The following CSNK2A3 variants were observed in gnomAD, a reference collection of about 807,000 sequenced individuals.
CSNK2A3 encodes casein kinase 2 alpha 3.
A neutral mutation model predicts 36.5 loss-of-function variants in CSNK2A3; 31 were observed. That is an observed-to-expected ratio of 0.85 (90% CI 0.64 to 1.15). The LOEUF is 1.15. Among genes scored for constraint, CSNK2A3 ranks in the 50% most tolerant of loss-of-function variants. The pLI is 0.00. For synonymous variants in CSNK2A3, 152 were observed against 176.3 expected, an observed-to-expected ratio of 0.86 and a Z score of 1.09; for missense variants, 443 against 487.2, an observed-to-expected ratio of 0.91 and a Z score of 0.85.
Position 11,352,978 on chromosome 11 carries a change from C to T in CSNK2A3, c.142G>A (p.Gly48Ser), listed in dbSNP as rs915832896. The change falls in exon 1 of 1, where the codon GGT becomes AGT. Residue 48 changes from glycine (G) to serine (S), a missense_variant. Physicochemically the swap from Gly to Ser is moderately conservative, Grantham distance 56 (BLOSUM62 0). Transcript: ENST00000528848. ...DYQLVRKLGR[G>S]KYSEVFEAIN... ...GCTTCAAATACTTCACTGTATTTACCTCGGCCTAATTTTCGAACCAGCTGG... is the reference window on the plus strand; with the variant it reads ...GCTTCAAATACTTCACTGTATTTACTTCGGCCTAATTTTCGAACCAGCTGG... 5.0e-6 allele frequency: 8 copies of T among 1,613,968 alleles called. No homozygotes were observed. The highest frequency in any genetic ancestry group is 6.8e-6 in the Non-Finnish European group (8 of 1,180,034).
rs182860137 is a variant in CSNK2A3 at position 11,353,114 on chromosome 11, C to T, written c.6G>A (p.Ser2=). 6.8e-6 allele frequency: 11 copies of T among 1,614,088 alleles called. No homozygotes were observed. The highest frequency in any genetic ancestry group is 1.3e-5 in the African/African-American group (1 of 75,030). Residue 2 remains serine, a synonymous_variant, in exon 1 of 1, where the codon TCG becomes TCA. Transcript: ENST00000528848. ...CTCTGGCCCTGCTTGGCACGGGTCC[C>T]GACATGTCAGACAGGTTGGCGGACA... M[S]GPVPSRARVY... is the part of the protein sequence containing the mutation.
rs1589929942 is a variant in CSNK2A3 at position 11,352,639 on chromosome 11, T to C, written c.481A>G (p.Asn161Asp). The stretch of plus-strand genomic sequence containing the variant: ...CTGTGCTCATGATCAATCATGACAT[T>C]ATGGGGCTTGACATCTCTGTGCATA... ...GIMHRDVKPH[N>D]VMIDHEHRKL... The change falls in exon 1 of 1, where the codon AAT (asparagine) becomes GAT (aspartate). Residue 161 changes from asparagine (N) to aspartate (D), a missense_variant. Coordinates refer to ENST00000528848, the MANE Select transcript of CSNK2A3 (RefSeq NM_001256686.2). 14 of 1,614,186 alleles carry C rather than the reference T, an allele frequency of 8.7e-6. No individual in the cohort carries two copies. In the East Asian group the frequency reaches 3.1e-4, roughly 36 times the overall value.
rs1850435489 is a variant in CSNK2A3 at position 11,352,580 on chromosome 11, C to T, written c.540G>A (p.Glu180=). 7 of 1,614,170 alleles carry T rather than the reference C, an allele frequency of 4.3e-6. No individual in the cohort carries two copies. The highest frequency in any genetic ancestry group is 4.2e-6 in the Non-Finnish European group (5 of 1,180,032). The change falls in exon 1 of 1, where the codon GAG becomes GAA. Residue 180 remains glutamate (E), a synonymous_variant. Coordinates refer to ENST00000528848, the MANE Select transcript of CSNK2A3 (RefSeq NM_001256686.2). ...TATATTCTTGGCCAGGATGATAAAA[C>T]TCAGCCAAACCCCAGTCTATTAGTC... The part of the protein sequence containing the change: ...KLRLIDWGLA[E]FYHPGQEYNV...
At position 11,351,977 on chromosome 11, in the gene CSNK2A3, C is replaced by T; in HGVS notation, c.1143G>A (p.Met381Ile). ...GAGCGCCAGTGGCAGCTGGAACAGG[C>T]ATCCCAAGGGGGTTGGCAGCAGCAA... ...PVIAAANPLG[M>I]PVPAATGAQQ is the part of the protein sequence containing the mutation. The change falls in exon 1 of 1, where the codon ATG becomes ATA. Residue 381 changes from methionine to isoleucine, a missense_variant. Coordinates refer to ENST00000528848, the MANE Select transcript of CSNK2A3 (RefSeq NM_001256686.2). 2 of 1,609,028 alleles carry T rather than the reference C, an allele frequency of 1.2e-6. No homozygotes were observed. The highest frequency in any genetic ancestry group is 2.2e-5 in the East Asian group (1 of 44,614).
Position 11,352,301 on chromosome 11 carries a change from C to G in CSNK2A3, c.819G>C (p.Leu273Phe). ...IELDPRFNDI[L>F]GRHSRKRWER... ...CCCATCGCTTTCGAGAGTGTCTGCCCAAGATATCATTGAAACGTGGATCTA... is the reference window on the plus strand; with the variant it reads ...CCCATCGCTTTCGAGAGTGTCTGCCGAAGATATCATTGAAACGTGGATCTA... Residue 273 changes from leucine (L) to phenylalanine (F), a missense_variant, in exon 1 of 1, where the codon TTG (leucine) becomes TTC (phenylalanine). Coordinates refer to ENST00000528848, the MANE Select transcript of CSNK2A3 (RefSeq NM_001256686.2). 6.2e-7 allele frequency: 1 copy of G among 1,614,046 alleles called. No homozygotes were observed. The highest frequency in any genetic ancestry group is 2.2e-5 in the East Asian group (1 of 44,878).
chr11:11,352,321 G>C lies in CSNK2A3; in HGVS notation c.799C>G (p.Pro267Ala), dbSNP rs748208083. The C allele has an allele frequency of 5.0e-6, 8 of 1,614,050 alleles. No individual in the cohort carries two copies. Among genetic ancestry groups the C allele is most frequent in the Non-Finnish European group, 6.8e-6 (8 of 1,180,012 alleles). Residue 267 changes from proline to alanine, a missense_variant, in exon 1 of 1, where the codon CCA (proline) becomes GCA (alanine). By Grantham distance (27) the Pro-to-Ala change is conservative (BLOSUM62 -1). Transcript: ENST00000528848. ...CTGCCCAAGATATCATTGAAACGTG[G>C]ATCTAATTCAATGTTGTATTTGTCA... ...YIDKYNIELD[P>A]RFNDILGRHS...
chr11:11,353,243 G>A lies in CSNK2A3; in HGVS notation c.-124C>T, dbSNP rs920485579. 21 of 1,237,404 alleles carry A rather than the reference G, an allele frequency of 1.7e-5. No individual in the cohort carries two copies. The Admixed American group carries it at 2.3e-4, about 14-fold the overall frequency. 76.7% of individuals were successfully genotyped at this position (1,237,404 alleles called of 1,614,324 possible). On this transcript the variant is annotated 5_prime_UTR_variant, in exon 1 of 1. Transcript: ENST00000528848. ...GTTTTCTTCACACTGTGGTGGAAGCGGCAGCGGCTGTGGCCGCTCTCCCTT... is the reference window on the plus strand; with the variant it reads ...GTTTTCTTCACACTGTGGTGGAAGCAGCAGCGGCTGTGGCCGCTCTCCCTT...
In CSNK2A3 at chr11:11,353,099, G is replaced by A; in HGVS notation, c.21C>T (p.Ser7=). The A allele has an allele frequency of 6.2e-7, 1 of 1,614,136 alleles. No homozygotes were observed. Among genetic ancestry groups the A allele is most frequent in the Non-Finnish European group, 8.5e-7 (1 of 1,180,026 alleles). Residue 7 remains serine, a synonymous_variant, in exon 1 of 1, where the codon AGC becomes AGT. Transcript: ENST00000528848. MSGPVP[S]RARVYTDVNT... is the part of the protein sequence containing the mutation. ...TAACATCTGTGTAAACTCTGGCCCT[G>A]CTTGGCACGGGTCCCGACATGTCAG...
In CSNK2A3 at chr11:11,352,503, T is replaced by G. The variant is rs376310249; in HGVS notation, c.617A>C (p.Tyr206Ser). Residue 206 changes from tyrosine to serine, a missense_variant, in exon 1 of 1, where the codon TAT (tyrosine) becomes TCT (serine). Coordinates refer to ENST00000528848, the MANE Select transcript of CSNK2A3 (RefSeq NM_001256686.2). ...ATCCAAACTATAATCGTACATCTGA[T>G]AGTCTACAAGTAGCTCAGGACCTTT... ...YFKGPELLVD[Y>S]QMYDYSLDMW... is the part of the protein sequence containing the mutation. 6.2e-7 allele frequency: 1 copy of G among 1,614,166 alleles called. No individual in the cohort carries two copies.
In CSNK2A3 at chr11:11,352,653, T is replaced by C. The variant is rs1195300190; in HGVS notation, c.467A>G (p.Asp156Gly). The change falls in exon 1 of 1, where the codon GAT becomes GGT. Residue 156 changes from aspartate (D) to glycine (G), a missense_variant. Physicochemically the swap from Asp to Gly is moderately conservative, Grantham distance 94. Coordinates refer to ENST00000528848, the MANE Select transcript of CSNK2A3 (RefSeq NM_001256686.2). Reference sequence around the variant, plus strand: ...AATCATGACATTATGGGGCTTGACATCTCTGTGCATAATTCCCATGCTGTG... The same window carrying C: ...AATCATGACATTATGGGGCTTGACACCTCTGTGCATAATTCCCATGCTGTG... ...YCHSMGIMHR[D>G]VKPHNVMIDH... The C allele has an allele frequency of 8.1e-6, 13 of 1,614,184 alleles. No homozygotes were observed. Among genetic ancestry groups the C allele is most frequent in the Non-Finnish European group, 1.0e-5 (12 of 1,180,026 alleles).
rs1420192183 is a variant in CSNK2A3 at position 11,352,509 on chromosome 11, A to T, written c.611T>A (p.Val204Glu). ...ACTATAATCGTACATCTGATAGTCT[A>T]CAAGTAGCTCAGGACCTTTGAAGTA... ...SRYFKGPELL[V>E]DYQMYDYSLD... The change falls in exon 1 of 1, where the codon GTA becomes GAA. Residue 204 changes from valine to glutamate, a missense_variant. Transcript: ENST00000528848. 7 of 1,614,190 alleles carry T rather than the reference A, an allele frequency of 4.3e-6. No individual in the cohort carries two copies. The highest frequency in any genetic ancestry group is 5.9e-6 in the Non-Finnish European group (7 of 1,180,028).
At position 11,352,605 on chromosome 11, in the gene CSNK2A3, C is replaced by T. The variant is rs1053426341; in HGVS notation, c.515G>A (p.Arg172Gln). The change falls in exon 1 of 1, where the codon CGA (arginine) becomes CAA (glutamine). Residue 172 changes from arginine (R) to glutamine (Q), a missense_variant. Arg to Gln is a conservative substitution (Grantham distance 43, BLOSUM62 1). Coordinates refer to ENST00000528848, the MANE Select transcript of CSNK2A3 (RefSeq NM_001256686.2). ...CTCAGCCAAACCCCAGTCTATTAGTCGTAGCTTTCTGTGCTCATGATCAAT... is the reference window on the plus strand; with the variant it reads ...CTCAGCCAAACCCCAGTCTATTAGTTGTAGCTTTCTGTGCTCATGATCAAT... ...VMIDHEHRKL[R>Q]LIDWGLAEFY... is the part of the protein sequence containing the mutation. The T allele has an allele frequency of 1.7e-5, 28 of 1,614,130 alleles. No homozygotes were observed. Among genetic ancestry groups the T allele is most frequent in the Middle Eastern group, 1.6e-4 (1 of 6,062 alleles).
At position 11,352,625 on chromosome 11, in the gene CSNK2A3, A is replaced by T. The variant is rs771825599; in HGVS notation, c.495T>A (p.Asp165Glu). 2.5e-6 allele frequency: 4 copies of T among 1,614,166 alleles called. No individual in the cohort carries two copies. Among genetic ancestry groups the T allele is most frequent in the Non-Finnish European group, 2.5e-6 (3 of 1,180,032 alleles). The change falls in exon 1 of 1, where the codon GAT becomes GAA. Residue 165 changes from aspartate to glutamate, a missense_variant. Transcript: ENST00000528848. ...RDVKPHNVMI[D>E]HEHRKLRLID... ...TTAGTCGTAGCTTTCTGTGCTCATGATCAATCATGACATTATGGGGCTTGA... is the reference window on the plus strand; with the variant it reads ...TTAGTCGTAGCTTTCTGTGCTCATGTTCAATCATGACATTATGGGGCTTGA...
Position 11,352,686 on chromosome 11 carries a change from T to C in CSNK2A3, c.434A>G (p.Asp145Gly), listed in dbSNP as rs780005479. ...CATAATTCCCATGCTGTGACAATAA[T>C]CCAGGGCCTTCAGAATCTCATACAT... ...FYMYEILKAL[D>G]YCHSMGIMHR... Residue 145 changes from aspartate (D) to glycine (G), a missense_variant, in exon 1 of 1, where the codon GAT becomes GGT. Physicochemically the swap from Asp to Gly is moderately conservative, Grantham distance 94. Transcript: ENST00000528848. The C allele has an allele frequency of 6.2e-7, 1 of 1,614,024 alleles. No homozygotes were observed. The highest frequency in any genetic ancestry group is 8.5e-7 in the Non-Finnish European group (1 of 1,180,032).
rs755411631 is a variant in CSNK2A3, at chr11:11,352,977, C to T, written c.143G>A (p.Gly48Asp). The change falls in exon 1 of 1, where the codon GGT becomes GAT. Residue 48 changes from glycine (G) to aspartate (D), a missense_variant. By Grantham distance (94) the Gly-to-Asp change is moderately conservative. Coordinates refer to ENST00000528848, the MANE Select transcript of CSNK2A3 (RefSeq NM_001256686.2). Reference sequence around the variant, plus strand: ...GGCTTCAAATACTTCACTGTATTTACCTCGGCCTAATTTTCGAACCAGCTG... The same window carrying T: ...GGCTTCAAATACTTCACTGTATTTATCTCGGCCTAATTTTCGAACCAGCTG... Reference protein sequence around the residue: ...DYQLVRKLGRGKYSEVFEAIN... With the variant: ...DYQLVRKLGRDKYSEVFEAIN... The T allele has an allele frequency of 1.4e-5, 22 of 1,614,124 alleles. No homozygotes were observed. Among genetic ancestry groups the T allele is most frequent in the East Asian group, 2.2e-5 (1 of 44,876 alleles).
At position 11,352,461 on chromosome 11, in the gene CSNK2A3, C is replaced by T. The variant is rs1850431676; in HGVS notation, c.659G>A (p.Cys220Tyr). The T allele has an allele frequency of 6.2e-7, 1 of 1,614,184 alleles. No individual in the cohort carries two copies. Among genetic ancestry groups the T allele is most frequent in the East Asian group, 2.2e-5 (1 of 44,886 alleles). The change falls in exon 1 of 1, where the codon TGT (cysteine) becomes TAT (tyrosine). Residue 220 changes from cysteine to tyrosine, a missense_variant. Cys to Tyr is a radical substitution (Grantham distance 194). Coordinates refer to ENST00000528848, the MANE Select transcript of CSNK2A3 (RefSeq NM_001256686.2). ...CCGAAAGATCATACTTGCCAGCATA[C>T]AACCCAATCTCCACATATCCAAACT... ...DYSLDMWRLG[C>Y]MLASMIFRKE...
In CSNK2A3 at chr11:11,353,102, T is replaced by C; in HGVS notation, c.18A>G (p.Pro6=). 1.2e-6 allele frequency: 2 copies of C among 1,614,156 alleles called. No individual in the cohort carries two copies. The highest frequency in any genetic ancestry group is 2.2e-5 in the South Asian group (2 of 91,080). ...CATCTGTGTAAACTCTGGCCCTGCT[T>C]GGCACGGGTCCCGACATGTCAGACA... MSGPV[P]SRARVYTDVN... The change falls in exon 1 of 1, where the codon CCA becomes CCG. Residue 6 remains proline (P), a synonymous_variant. Transcript: ENST00000528848.
rs758156893 is a variant in CSNK2A3 at position 11,352,085 on chromosome 11, G to A, written c.1035C>T (p.Pro345=). 1.5e-5 allele frequency: 24 copies of A among 1,613,616 alleles called. No homozygotes were observed. Among genetic ancestry groups the A allele is most frequent in the East Asian group, 6.7e-5 (3 of 44,866 alleles). ...CTGACATCACATTGGCGCTGCTGAC[G>A]GGCGTACTGCCCCCTGGCATGCTAG... ...GSSSMPGGST[P]VSSANVMSGI... The change falls in exon 1 of 1, where the codon CCC becomes CCT. Residue 345 remains proline (P), a synonymous_variant. Transcript: ENST00000528848.
chr11:11,352,793 G>A lies in CSNK2A3; in HGVS notation c.327C>T (p.Pro109=), dbSNP rs528214897. 3 of 1,614,164 alleles carry A rather than the reference G, an allele frequency of 1.9e-6. No homozygotes were observed. The highest frequency in any genetic ancestry group is 2.2e-5 in the East Asian group (1 of 44,886). The change falls in exon 1 of 1, where the codon CCC becomes CCT. Residue 109 remains proline (P), a synonymous_variant. Coordinates refer to ENST00000528848, the MANE Select transcript of CSNK2A3 (RefSeq NM_001256686.2). ...DIVKDPVSRT[P]ALVFEHVNNT... ...TGTTTACGTGTTCAAAAACCAAGGC[G>A]GGGGTTCGTGACACAGGGTCTTTTA... is the stretch of plus-strand genomic sequence containing the variant.
Sources: allele counts gnomAD v4.1 joint callset, GRCh38; gene constraint gnomAD v4.1.1; transcripts MANE v1.5; gene names NCBI Gene and HGNC (gene_info 2026-07-23, HGNC 2026-07-21).